RERE: variants seen among roughly 807,000 people sequenced by gnomAD.
RERE encodes the protein arginine-glutamic acid dipeptide repeats.
A neutral mutation model predicts 146.1 loss-of-function variants in RERE; 40 were observed. The observed-to-expected ratio is 0.27, with a 90% CI of 0.21 to 0.36. The LOEUF is 0.36. RERE is among the 10% of genes least tolerant of loss of function. The pLI is 1.00. For missense variants in RERE, 1,933 were observed against 2,138.7 expected (o/e 0.90, Z 1.90); for synonymous variants, 1,003 against 866.0 (o/e 1.16, Z -2.78).
At chr1:8,794,421 C>T (rs1641428383) in intron 1 of RERE, among the ~76,000 whole-genome samples, 1 of 148,274 alleles carries the variant, frequency 6.7e-6, no homozygotes. Flanking sequence ...CTAACTCTGG[C>T]TCTCTCTACA....
intron 1 of RERE, among the ~76,000 whole-genome samples, chr1:8,663,676 T>A (rs1248068194): frequency 6.6e-6 from 1 of 152,130 alleles, no homozygotes; most frequent in East Asian, 1.9e-4. Flanking sequence ...ATAATTCACG[T>A]TCCATATGAA....
intron 12 of RERE, among the ~76,000 whole-genome samples, chr1:8,373,454 T>C (rs1191623488): frequency 6.6e-6 from 1 of 152,172 alleles, no homozygotes; most frequent in African/African-American, 2.4e-5. Flanking sequence ...TTTTAAGGTA[T>C]GTTTTTTCAG....
At chr1:8,552,318 GC>G (rs968029952) in intron 6 of RERE, among the ~76,000 whole-genome samples, 7 of 152,158 alleles carry the variant, frequency 4.6e-5, no homozygotes, top group Non-Finnish European at 8.8e-5. Flanking sequence ...AATGGCAAGA[GC>G]CCCCTCAGAG....
intron 1 of RERE, among the ~76,000 whole-genome samples, chr1:8,745,585 A>G (rs143173939): frequency 7.9e-4 from 120 of 152,276 alleles, no homozygotes; most frequent in African/African-American, 2.8e-3. Context: ...GTGCGATGAC[A>G]TTATACTCCT....
intron 11 of RERE, 48 bp downstream of exon 11, chr1:8,465,877 G>A (rs1189678021): frequency 6.6e-6 from 10 of 1,511,862 alleles, no homozygotes; most frequent in Middle Eastern, 1.7e-4. Flanking sequence ...CTGAGACGCC[G>A]GTGGCCCGAT....
intron 2 of RERE, among the ~76,000 whole-genome samples, chr1:8,655,105 C>A (rs1369929697): frequency 1.3e-5 from 2 of 152,042 alleles, no homozygotes; most frequent in Non-Finnish European, 1.5e-5. Context: ...TCTGGAAAAC[C>A]AAGCAGGTTA....
chr1:8,754,822 GTTAA>G (rs1243094826), intron 1 of RERE, among the ~76,000 whole-genome samples: 1 of 152,310 alleles, frequency 6.6e-6, no homozygotes. Flanking sequence ...AAACCAGTAA[GTTAA>G]TTGTTTTCCA....
chr1:8,588,419 C>T (rs1261319245), intron 4 of RERE, among the ~76,000 whole-genome samples: 1 of 152,178 alleles, frequency 6.6e-6, no homozygotes, highest in African/African-American at 2.4e-5. Context: ...CCTTCCCAAA[C>T]CCCTCATCGA....
At chr1:8,786,274 T>C (rs568844484) in intron 1 of RERE, 9 of 967,192 alleles carry the variant, frequency 9.3e-6, no homozygotes, top group South Asian at 7.6e-5. Flanking sequence ...AAATGGGTGG[T>C]TTTTCTTCAT....
intron 3 of RERE, among the ~76,000 whole-genome samples, chr1:8,615,120 A>G (rs898254502): frequency 6.6e-6 from 1 of 152,260 alleles, no homozygotes; most frequent in Admixed American, 6.5e-5. Flanking sequence ...AGCTAGAGAC[A>G]TAAGACATGT....
intron 11 of RERE, among the ~76,000 whole-genome samples, chr1:8,454,710 C>A (rs573287631): frequency 2.0e-5 from 3 of 151,846 alleles, no homozygotes; most frequent in Non-Finnish European, 4.4e-5. Context: ...AAGGCTGGGG[C>A]GGGAGGATCG....
At chr1:8,365,144 T>C (rs1182825368) in intron 13 of RERE, among the ~76,000 whole-genome samples, 1 of 152,224 alleles carries the variant, frequency 6.6e-6, no homozygotes, top group African/African-American at 2.4e-5. Flanking sequence ...GCGTCCATGC[T>C]GCCTCCCTCC....
chr1:8,751,562 A>G (rs1041899996), intron 1 of RERE, among the ~76,000 whole-genome samples: 1 of 152,136 alleles, frequency 6.6e-6, no homozygotes, highest in African/African-American at 2.4e-5. Context: ...TGCTCTGATG[A>G]TCCTCTCTGC....
At chr1:8,378,557 A>C (rs184217629) in intron 12 of RERE, among the ~76,000 whole-genome samples, 9 of 152,314 alleles carry the variant, frequency 5.9e-5, no homozygotes, top group Non-Finnish European at 1.2e-4. Flanking sequence ...TTATAAGAAG[A>C]GATGAGGACA....
In RERE at chr1:8,793,348, T is replaced by C. The variant is rs540030784; in HGVS notation, c.-145+23812A>G. Among the ~76,000 whole-genome samples the C allele has an allele frequency of 1.9e-4, 29 of 152,202 alleles. No individual in the cohort carries two copies. The South Asian group carries it at 5.8e-3, about 30-fold the overall frequency. Reference sequence around the variant, plus strand: ...TAAGCCTATCAACAGCATGTGATACTCTCCAAGCATTTTGCAACCTTAACA... The same window carrying C: ...TAAGCCTATCAACAGCATGTGATACCCTCCAAGCATTTTGCAACCTTAACA... On this transcript the variant is annotated intron_variant, in intron 1 of 22. Coordinates refer to ENST00000400908, the MANE Select transcript of RERE (RefSeq NM_001042681.2).
chr1:8,762,363 A>C (rs986058805), intron 1 of RERE, among the ~76,000 whole-genome samples: 1 of 152,260 alleles, frequency 6.6e-6, no homozygotes, highest in Non-Finnish European at 1.5e-5. Context: ...GTAGGTACTT[A>C]AATATTTGAC....
chr1:8,658,701 G>A (rs1638384480), intron 1 of RERE, among the ~76,000 whole-genome samples: 3 of 151,224 alleles, frequency 2.0e-5, no homozygotes, highest in Admixed American at 2.0e-4. Flanking sequence ...AGGTTGCAGT[G>A]AGCTGAGATC....
intron 2 of RERE, among the ~76,000 whole-genome samples, chr1:8,642,277 C>T (rs1255876882): frequency 6.6e-6 from 1 of 152,062 alleles, no homozygotes; most frequent in Non-Finnish European, 1.5e-5. Flanking sequence ...TACTCTTATC[C>T]CCATTTTATT....
At chr1:8,404,213 A>G (rs1643368995) in intron 12 of RERE, among the ~76,000 whole-genome samples, 1 of 152,098 alleles carries the variant, frequency 6.6e-6, no homozygotes, top group Non-Finnish European at 1.5e-5. Flanking sequence ...GTGAATCACA[A>G]GGTCAGGAGA....
Sources: gnomAD v4.1 joint callset for allele counts (sites outside exome capture counted in the v4.1 genomes callset) on GRCh38, gnomAD v4.1.1 for gene constraint, MANE v1.5 for transcripts, NCBI Gene and HGNC (gene_info 2026-07-23, HGNC 2026-07-21) for gene names.